AJAP1: variants seen among roughly 807,000 people sequenced by gnomAD.
AJAP1 encodes adherens junction-associated protein 1.
In AJAP1, 5 loss-of-function variants were observed where a neutral mutation model predicts 35.0. The observed-to-expected ratio is 0.14, with a 90% confidence interval of 0.07 to 0.30. The LOEUF is 0.30. Ranked by LOEUF, AJAP1 falls within the 10% of genes least tolerant of loss-of-function variation. The pLI, the probability that AJAP1 is intolerant of heterozygous loss-of-function variation, is 1.00. For synonymous variants in AJAP1, 284 were observed against 249.3 expected, an observed-to-expected ratio of 1.14 and a Z score of -1.31; for missense variants, 586 against 571.0, an observed-to-expected ratio of 1.03 and a Z score of -0.27.
intron 2 of AJAP1, among the ~76,000 whole-genome samples, chr1:4,757,891 T>C (rs1225644777): frequency 6.6e-6 from 1 of 152,136 alleles, no homozygotes; most frequent in African/African-American, 2.4e-5. Context: ...AAATCTCCTC[T>C]TGAATTGTAG....
intron 1 of AJAP1, among the ~76,000 whole-genome samples, chr1:4,682,649 AG>A (rs1408398031): frequency 6.6e-6 from 1 of 151,846 alleles, no homozygotes; most frequent in Non-Finnish European, 1.5e-5. Flanking sequence ...AGCCCTTCGT[AG>A]GGTTTCAGAC....
At position 4,758,697 on chromosome 1, in the gene AJAP1, A is replaced by G. The variant is rs1474436093; in HGVS notation, c.830-11156A>G. Among the ~76,000 whole-genome samples the G allele has an allele frequency of 7.2e-5, 11 of 152,146 alleles. 1 individual carries two copies. Among genetic ancestry groups the G allele is most frequent in the Admixed American group, 7.2e-4 (11 of 15,278 alleles). On this transcript the variant is annotated intron_variant, in intron 2 of 5. Coordinates refer to ENST00000378191, the MANE Select transcript of AJAP1 (RefSeq NM_018836.4). Reference sequence around the variant, plus strand: ...TTGGGTGGGGACACAAAACCTAACCATCTCAGGAGGTCCTATGGGCATAGC... The same window carrying G: ...TTGGGTGGGGACACAAAACCTAACCGTCTCAGGAGGTCCTATGGGCATAGC...
At chr1:4,733,599 C>T (rs1335186273) in intron 2 of AJAP1, among the ~76,000 whole-genome samples, 3 of 151,536 alleles carry the variant, frequency 2.0e-5, no homozygotes, top group East Asian at 1.9e-4. Flanking sequence ...CTCAGAGGCC[C>T]GCCCTCCTTG....
chr1:4,701,181 C>T (rs553397879), intron 1 of AJAP1, among the ~76,000 whole-genome samples: 1 of 152,302 alleles, frequency 6.6e-6, no homozygotes, highest in South Asian at 2.1e-4. Context: ...CTCCAGAGCT[C>T]CTGGGGAAAG....
chr1:4,691,538 G>A (rs1379941439), intron 1 of AJAP1, among the ~76,000 whole-genome samples: 1 of 152,220 alleles, frequency 6.6e-6, no homozygotes, highest in Non-Finnish European at 1.5e-5. Flanking sequence ...AGGAGCTTGG[G>A]CCTCCAGGTC....
rs561743740 is a variant in AJAP1 at position 4,785,209 on chromosome 1, G to A, written c.*2724G>A. The A allele has an allele frequency of 9.8e-5, 15 of 152,350 alleles. No homozygotes were observed. Among genetic ancestry groups the A allele is most frequent in the African/African-American group, 3.4e-4 (14 of 41,540 alleles). 9.4% of individuals were successfully genotyped at this position (152,350 alleles called of 1,614,324 possible). On this transcript the variant is annotated 3_prime_UTR_variant, in exon 6 of 6. Transcript: ENST00000378191. ...ATCGAGCCTTGGAAGGAAGCGTAAT[G>A]CAACAACCCTCTTGTCCCCGATAAG... is the stretch of plus-strand genomic sequence containing the variant.
At chr1:4,709,592 C>A (rs2100260881) in intron 1 of AJAP1, among the ~76,000 whole-genome samples, 1 of 152,310 alleles carries the variant, frequency 6.6e-6, no homozygotes, top group South Asian at 2.1e-4. Flanking sequence ...ATTAGAGATT[C>A]TAAACCAGCT....
chr1:4,713,590 G>T (rs1640318331), intron 2 of AJAP1, among the ~76,000 whole-genome samples: 1 of 152,250 alleles, frequency 6.6e-6, no homozygotes, highest in East Asian at 1.9e-4. Context: ...TTCACAGCAG[G>T]CCTGCGGGGA....
Position 4,712,184 on chromosome 1 carries a change from G to C in AJAP1, c.314G>C (p.Arg105Pro). 1 of 1,564,716 alleles carries C rather than the reference G, an allele frequency of 6.4e-7. No individual in the cohort carries two copies. The highest frequency in any genetic ancestry group is 1.2e-5 in the South Asian group (1 of 85,284). ...MPRARRAHRP[R>P]DQAAALVPKA... ...CGAGCCAGACGGGCCCACAGGCCCC[G>C]GGACCAGGCGGCCGCCCTCGTGCCC... The change falls in exon 2 of 6, where the codon CGG becomes CCG. Residue 105 changes from arginine to proline, a missense_variant. Transcript: ENST00000378191.
rs897873541 is a variant in AJAP1, at chr1:4,690,474, C to T, written c.30-21426C>T. ...CACAACCAGGAGCTGTCACCAGGGGCGCGTGGAGGTGGCTGCAGTACGGGA... is the reference window on the plus strand; with the variant it reads ...CACAACCAGGAGCTGTCACCAGGGGTGCGTGGAGGTGGCTGCAGTACGGGA... On this transcript the variant is annotated intron_variant, in intron 1 of 5. Transcript: ENST00000378191. 5.3e-5 allele frequency among the ~76,000 whole-genome samples: 8 copies of T among 152,196 alleles called. No homozygotes were observed. In the South Asian group the frequency reaches 1.0e-3, roughly 20 times the overall value.
intron 1 of AJAP1, among the ~76,000 whole-genome samples, chr1:4,689,059 C>T (rs4654456): frequency 0.031 from 4,784 of 152,080 alleles, 260 homozygotes; most frequent in East Asian, 0.25. Flanking sequence ...CCCCCTCACT[C>T]GCCTGTAGGG....
intron 2 of AJAP1, among the ~76,000 whole-genome samples, chr1:4,742,209 A>T (rs941342600): frequency 6.7e-6 from 1 of 148,636 alleles, no homozygotes; most frequent in South Asian, 2.2e-4. Flanking sequence ...CTTTGCAGGC[A>T]CCTCTGCCCC....
At chr1:4,688,962 T>C (rs1639670693) in intron 1 of AJAP1, among the ~76,000 whole-genome samples, 1 of 152,000 alleles carries the variant, frequency 6.6e-6, no homozygotes, top group African/African-American at 2.4e-5. Flanking sequence ...CCCTGCTCAC[T>C]CACAGCGGGT....
At chr1:4,772,135 C>A in intron 3 of AJAP1, 145 bp from the exon 4 acceptor site, 1 of 1,025,252 alleles carries the variant, frequency 9.8e-7, no homozygotes, top group Non-Finnish European at 1.4e-6. Context: ...GTTGATCTTT[C>A]TGAAGAGGCT....
intron 1 of AJAP1, among the ~76,000 whole-genome samples, chr1:4,708,915 T>C (rs1156381483): frequency 6.6e-6 from 1 of 152,104 alleles, no homozygotes; most frequent in Non-Finnish European, 1.5e-5. Flanking sequence ...ATCAATCACT[T>C]TAAAAAGGAA....
intron 2 of AJAP1, among the ~76,000 whole-genome samples, chr1:4,735,913 C>T (rs368048814): frequency 6.8e-4 from 104 of 152,372 alleles, no homozygotes; most frequent in African/African-American, 2.4e-3. Flanking sequence ...GATCTTCAGC[C>T]TTTGCCATTG....
At position 4,755,884 on chromosome 1, in the gene AJAP1, C is replaced by T. The variant is rs559533254; in HGVS notation, c.830-13969C>T. The stretch of plus-strand genomic sequence containing the variant: ...AGGGGGGTTCTGGCTGTTAAACCCA[C>T]CTAACAGGGTTCTTGCTGAAGGCAG... On this transcript the variant is annotated intron_variant, in intron 2 of 5. Coordinates refer to ENST00000378191, the MANE Select transcript of AJAP1 (RefSeq NM_018836.4). Among the ~76,000 whole-genome samples the T allele has an allele frequency of 3.3e-5, 5 of 152,076 alleles. No individual in the cohort carries two copies. The East Asian group carries it at 9.7e-4, about 29-fold the overall frequency.
rs550067238 is a variant in AJAP1, at chr1:4,713,822, A to C, written c.829+1123A>C. Among the ~76,000 whole-genome samples, 3 of 152,372 alleles carry C rather than the reference A, an allele frequency of 2.0e-5. No individual in the cohort carries two copies. The East Asian group carries it at 5.8e-4, about 29-fold the overall frequency. On this transcript the variant is annotated intron_variant, in intron 2 of 5. Transcript: ENST00000378191. ...CGGGGGCGCCCTGTGGCCTCCTCACAGCTTGCTTTCCACAACCTCCAGCTT... is the reference window on the plus strand; with the variant it reads ...CGGGGGCGCCCTGTGGCCTCCTCACCGCTTGCTTTCCACAACCTCCAGCTT...
chr1:4,694,689 G>T (rs577984170), intron 1 of AJAP1, among the ~76,000 whole-genome samples: 7 of 152,374 alleles, frequency 4.6e-5, no homozygotes, highest in African/African-American at 1.2e-4. Context: ...CTCAGCTGGG[G>T]TGAAGGATGA....
Sources: allele counts gnomAD v4.1 joint callset (sites outside exome capture counted in the v4.1 genomes callset), GRCh38; gene constraint gnomAD v4.1.1; transcripts MANE v1.5; gene names NCBI Gene and HGNC (gene_info 2026-07-23, HGNC 2026-07-21).